The following DNAJC19 variants were observed in gnomAD, a reference collection of about 807,000 sequenced individuals.
The protein encoded by DNAJC19 is mitochondrial import inner membrane translocase subunit TIM14.
Under a neutral mutation model 19.8 loss-of-function variants are expected in DNAJC19, and 15 were observed. That is an observed-to-expected ratio of 0.76 (90% CI 0.51 to 1.17). DNAJC19 has a LOEUF of 1.17. DNAJC19 is among the 50% of genes most tolerant of loss of function. The pLI is 0.00. For missense variants in DNAJC19, 105 were observed against 140.9 expected, an observed-to-expected ratio of 0.75 and a Z score of 1.29; for synonymous variants, 38 against 42.1, an observed-to-expected ratio of 0.90 and a Z score of 0.38.
In DNAJC19 at chr3:180,987,990, A is replaced by G. The variant is rs1362752241; in HGVS notation, c.129+33T>C. 1.9e-6 allele frequency: 3 copies of G among 1,612,926 alleles called. No individual in the cohort carries two copies. In the South Asian group the frequency reaches 3.3e-5, roughly 18 times the overall value. On this transcript the variant is annotated intron_variant, in intron 3 of 5. Transcript: ENST00000382564. ...TCCCTAAGTGTGGCTCTAGGTTTCA[A>G]ATAGAAGCAGCAAAGAATTAACAAA... is the stretch of plus-strand genomic sequence containing the variant.
At chr3:180,988,307 A>G (rs1048176419) in intron 1 of DNAJC19, 78 bp from the exon 2 acceptor site, 4 of 1,524,288 alleles carry the variant, frequency 2.6e-6, no homozygotes, top group African/African-American at 1.4e-5. Flanking sequence ...TCCATCCCCA[A>G]CTCATTACAA....
rs932139341 is a variant in DNAJC19 at position 180,989,367 on chromosome 3, C to A, written c.3+233G>T. The A allele has an allele frequency of 2.9e-5, 42 of 1,427,398 alleles. No individual in the cohort carries two copies. The Admixed American group carries it at 4.9e-4, about 17-fold the overall frequency. 88.4% of individuals were successfully genotyped at this position (1,427,398 alleles called of 1,614,324 possible). On this transcript the variant is annotated intron_variant, in intron 1 of 5. Transcript: ENST00000382564. ...TTCCAGGCAAGCAACACCTGCAGAG[C>A]CCGTGCGGACAAGAAGCTGGAGAAC...
At chr3:180,985,676 A>C (rs1450653048) in intron 5 of DNAJC19, 1 of 449,652 alleles carries the variant, frequency 2.2e-6, no homozygotes, top group Non-Finnish European at 4.0e-6. Context: ...TAACGTTTTA[A>C]TTATAATAAA....
chr3:180,987,658 G>A (rs1026717472), intron 3 of DNAJC19: 5 of 336,458 alleles, frequency 1.5e-5, no homozygotes, highest in African/African-American at 1.1e-4. Flanking sequence ...GGGAGTGCCA[G>A]GGCCACATGG....
rs1715125428 is a variant in DNAJC19, at chr3:180,989,689, G to C, written c.-87C>G. ...GGCCAACACCTGCACGCCTTTACCA[G>C]AGAGCGACGCAACCCCCAACCTCAA... On this transcript the variant is annotated 5_prime_UTR_variant, in exon 1 of 6. Transcript: ENST00000382564. 1.3e-6 allele frequency: 2 copies of C among 1,549,920 alleles called. No individual in the cohort carries two copies. Among genetic ancestry groups the C allele is most frequent in the Non-Finnish European group, 1.7e-6 (2 of 1,147,624 alleles).
At chr3:180,988,342 C>A in intron 1 of DNAJC19, 113 bp from the exon 2 acceptor site, 440 of 899,660 alleles carry the variant, frequency 4.9e-4, no homozygotes, top group Non-Finnish European at 6.7e-4. Context: ...GGAGAAACAA[C>A]TTTTTTTTTT....
intron 4 of DNAJC19, 139 bp from the exon 5 acceptor site, chr3:180,986,135 A>G (rs1714892686): frequency 2.8e-6 from 2 of 720,820 alleles, no homozygotes; most frequent in African/African-American, 1.8e-5. Flanking sequence ...AGAAACCTCA[A>G]CACACCCAAT....
At chr3:180,985,883 T>A in intron 5 of DNAJC19, 43 bp downstream of exon 5, 18 of 1,508,410 alleles carry the variant, frequency 1.2e-5, no homozygotes, top group Non-Finnish European at 1.7e-5. Flanking sequence ...TAATAACTAT[T>A]GGTCACACCA....
Position 180,989,729 on chromosome 3 carries a change from C to G in DNAJC19, c.-127G>C, listed in dbSNP as rs1049182549. The G allele has an allele frequency of 9.4e-6, 14 of 1,482,324 alleles. No individual in the cohort carries two copies. In the East Asian group the frequency reaches 1.5e-4, roughly 16 times the overall value. 91.8% of individuals were successfully genotyped at this position (1,482,324 alleles called of 1,614,324 possible). On this transcript the variant is annotated 5_prime_UTR_variant, in exon 1 of 6. Transcript: ENST00000382564. ...CCCAACCTCAAGCACAGGCGCCCTA[C>G]GCAACACGGCAGGAGCAGCCGCAAA...
intron 1 of DNAJC19, among the ~76,000 whole-genome samples, chr3:180,989,007 CAA>C (rs10585461): frequency 0.2 from 24,905 of 127,590 alleles, 2,237 homozygotes; most frequent in South Asian, 0.27. Flanking sequence ...GACTCTGTCT[CAA>C]AAAAAAAAAA....
chr3:180,987,832 T>A, intron 3 of DNAJC19, 191 bp downstream of exon 3: 1 of 681,842 alleles, frequency 1.5e-6, no homozygotes. Context: ...TCCAACTCTG[T>A]CACATATAAC....
In DNAJC19 at chr3:180,984,555, T is replaced by A. The variant is rs759658546; in HGVS notation, c.*85A>T. 3 of 912,382 alleles carry A rather than the reference T, an allele frequency of 3.3e-6. No homozygotes were observed. The African/African-American group carries it at 5.0e-5, about 15-fold the overall frequency. 56.5% of individuals were successfully genotyped at this position (912,382 alleles called of 1,614,324 possible). On this transcript the variant is annotated 3_prime_UTR_variant, in exon 6 of 6. Transcript: ENST00000382564. Reference sequence around the variant, plus strand: ...GCTTGTGCTAAATCATTTTTTAAAATTGTAGCTCTGAGGCATTTTATTATA... The same window carrying A: ...GCTTGTGCTAAATCATTTTTTAAAAATGTAGCTCTGAGGCATTTTATTATA...
rs747455339 is a variant in DNAJC19, at chr3:180,984,032, C to G, written c.*608G>C. ...GAACTGTGATTGTACCAGACCTGTA[C>G]TCTGAAATCTTTATCATACTATTTT... On this transcript the variant is annotated 3_prime_UTR_variant, in exon 6 of 6. Coordinates refer to ENST00000382564, the MANE Select transcript of DNAJC19 (RefSeq NM_145261.4). 11 of 453,894 alleles carry G rather than the reference C, an allele frequency of 2.4e-5. No homozygotes were observed. The highest frequency in any genetic ancestry group is 1.2e-4 in the South Asian group (8 of 64,476). The allele number at this position is 453,894 out of a possible 1,614,324, so 28.1% of individuals were successfully genotyped here.
chr3:180,987,574 CAG>C (rs2108509315), intron 3 of DNAJC19: 1 of 267,850 alleles, frequency 3.7e-6, no homozygotes, highest in Admixed American at 5.1e-5. Flanking sequence ...ACTGTGACCA[CAG>C]AGAGTATGAC....
chr3:180,988,089 G>T lies in DNAJC19; in HGVS notation c.63C>A (p.Tyr21Ter). ...CCATATGCTTCATGGCTTGCAAAAC[G>T]TAACGGCCTAAAACCAAAAGCAACA... ...TIAAAGFAGR[Y>*]VLQAMKHMEP... The change falls in exon 3 of 6, where the codon TAC (tyrosine) becomes TAA (stop). Residue 21 changes from tyrosine (Y) to a stop codon, truncating the protein, a stop_gained. Transcript: ENST00000382564. LOFTEE classifies it high-confidence loss of function. The T allele has an allele frequency of 6.2e-7, 1 of 1,614,090 alleles. No homozygotes were observed. The highest frequency in any genetic ancestry group is 8.5e-7 in the Non-Finnish European group (1 of 1,179,996).
At chr3:180,987,638 TATG>T in intron 3 of DNAJC19, 1 of 328,716 alleles carries the variant, frequency 3.0e-6, no homozygotes, top group East Asian at 7.7e-5. Flanking sequence ...GCTACCTATG[TATG>T]ATGTTTGGGA....
At chr3:180,988,344 T>C (rs2108509884) in intron 1 of DNAJC19, 115 bp from the exon 2 acceptor site, 1 of 1,077,902 alleles carries the variant, frequency 9.3e-7, no homozygotes, top group South Asian at 1.5e-5. Context: ...AGAAACAACT[T>C]TTTTTTTTCT....
rs2108509645 is a variant in DNAJC19 at position 180,988,079 on chromosome 3, C to T, written c.73G>A (p.Ala25Thr). ...ACTTGAGGCTCCATATGCTTCATGG[C>T]TTGCAAAACGTAACGGCCTAAAACC... is the stretch of plus-strand genomic sequence containing the variant. The part of the protein sequence containing the change: ...AGFAGRYVLQ[A>T]MKHMEPQVKQ... Residue 25 changes from alanine to threonine, a missense_variant, in exon 3 of 6, where the codon GCC becomes ACC. Transcript: ENST00000382564. 2.5e-6 allele frequency: 4 copies of T among 1,614,162 alleles called. No homozygotes were observed. The highest frequency in any genetic ancestry group is 3.4e-6 in the Non-Finnish European group (4 of 1,180,032).
intron 5 of DNAJC19, among the ~76,000 whole-genome samples, chr3:180,985,002 T>A (rs1714826429): frequency 6.6e-6 from 1 of 152,092 alleles, no homozygotes; most frequent in Admixed American, 6.5e-5. Flanking sequence ...ATATATTAGA[T>A]ATATATGTAT....
Sources: gnomAD v4.1 joint callset for allele counts (sites outside exome capture counted in the v4.1 genomes callset) on GRCh38, gnomAD v4.1.1 for gene constraint, MANE v1.5 for transcripts, NCBI Gene and HGNC (gene_info 2026-07-23, HGNC 2026-07-21) for gene names.